The following CTNNA2 variants were observed in gnomAD, a reference collection of about 807,000 sequenced individuals.
CTNNA2 encodes the protein catenin alpha-2.
A neutral mutation model predicts 101.0 loss-of-function variants in CTNNA2; 42 were observed. The ratio of observed to expected loss-of-function variants is 0.42; its 90% CI spans 0.32 to 0.54. CTNNA2 has a LOEUF of 0.54. CTNNA2 is among the 20% of genes least tolerant of loss of function. The pLI is 0.14. For missense variants in CTNNA2, 871 were observed against 1,223.1 expected, an observed-to-expected ratio of 0.71 and a Z score of 4.29; for synonymous variants, 450 against 456.4, an observed-to-expected ratio of 0.99 and a Z score of 0.18.
At chr2:80,261,340 G>A (rs17018925) in intron 7 of CTNNA2, among the ~76,000 whole-genome samples, 9,564 of 151,932 alleles carry the variant, frequency 0.063, 478 homozygotes, top group South Asian at 0.29. Context: ...ACAGAACCCC[G>A]TAAAAGTTTA....
chr2:80,063,816 A>G (rs139969248), intron 7 of CTNNA2, among the ~76,000 whole-genome samples: 5 of 152,220 alleles, frequency 3.3e-5, no homozygotes, highest in Non-Finnish European at 5.9e-5. Context: ...CCATCCCAGG[A>G]TAATAGACTA....
intron 9 of CTNNA2, among the ~76,000 whole-genome samples, chr2:80,429,536 C>G (rs953430592): frequency 2.0e-5 from 3 of 152,164 alleles, no homozygotes; most frequent in African/African-American, 7.2e-5. Context: ...TTATTTAGTA[C>G]AGTTTCTGTC....
chr2:80,469,224 C>T (rs940174344), intron 9 of CTNNA2, among the ~76,000 whole-genome samples: 5 of 152,200 alleles, frequency 3.3e-5, no homozygotes, highest in African/African-American at 1.2e-4. Context: ...ACTGCACTGA[C>T]ATCTATTCTG....
At chr2:79,696,663 C>G (rs189032001) in intron 2 of CTNNA2, among the ~76,000 whole-genome samples, 1 of 151,972 alleles carries the variant, frequency 6.6e-6, no homozygotes, top group Non-Finnish European at 1.5e-5. Flanking sequence ...CTCCCTGGGC[C>G]TAGAGGGAGG....
upstream of CTNNA2, among the ~76,000 whole-genome samples, chr2:79,511,160 C>T (rs1277157279): frequency 1.3e-5 from 2 of 152,188 alleles, no homozygotes; most frequent in East Asian, 1.9e-4. Context: ...GACAACTTTA[C>T]TCTTTCCAGA....
intron 1 of CTNNA2, among the ~76,000 whole-genome samples, chr2:79,632,963 A>G (rs984331396): frequency 6.6e-6 from 1 of 152,220 alleles, no homozygotes; most frequent in African/African-American, 2.4e-5. Context: ...CTGTGTTCCA[A>G]TACAGACTAT....
intron 7 of CTNNA2, among the ~76,000 whole-genome samples, chr2:80,161,831 A>C (rs191255093): frequency 1.1e-3 from 160 of 152,312 alleles, no homozygotes; most frequent in African/African-American, 3.5e-3. Flanking sequence ...CTTATACCTC[A>C]AATGTGGTTT....
At chr2:80,533,546 T>C (rs914457524) in intron 9 of CTNNA2, among the ~76,000 whole-genome samples, 2 of 152,312 alleles carry the variant, frequency 1.3e-5, no homozygotes, top group South Asian at 4.1e-4. Flanking sequence ...CTTATTCATC[T>C]GGATCTTCAT....
At chr2:80,332,855 G>A (rs1341425956) in intron 7 of CTNNA2, among the ~76,000 whole-genome samples, 1 of 152,126 alleles carries the variant, frequency 6.6e-6, no homozygotes, top group Non-Finnish European at 1.5e-5. Flanking sequence ...TGGCCCTAAA[G>A]CCAAATTCAG....
chr2:79,780,120 A>G (rs1674313467), intron 3 of CTNNA2, among the ~76,000 whole-genome samples: 1 of 152,174 alleles, frequency 6.6e-6, no homozygotes, highest in African/African-American at 2.4e-5. Context: ...TCAATCAGAA[A>G]ATCTGTGAAT....
intron 7 of CTNNA2, among the ~76,000 whole-genome samples, chr2:80,088,847 C>T (rs1394063298): frequency 3.3e-5 from 5 of 152,016 alleles, no homozygotes; most frequent in Non-Finnish European, 1.5e-5. Context: ...TGGCTTAAAT[C>T]GCTGTTAACT....
At chr2:79,213,930 G>A (rs1404806670) in intron 2 of CTNNA2, among the ~76,000 whole-genome samples, 1 of 152,198 alleles carries the variant, frequency 6.6e-6, no homozygotes, top group Non-Finnish European at 1.5e-5. Context: ...GGCAGCCGCT[G>A]CACGCAGACA....
chr2:79,894,232 C>A (rs1479174972), intron 6 of CTNNA2, among the ~76,000 whole-genome samples: 1 of 151,988 alleles, frequency 6.6e-6, no homozygotes, highest in Non-Finnish European at 1.5e-5. Context: ...CCCTTTAGAA[C>A]TCTTGATTTG....
At chr2:80,596,731 C>T (rs896723141) in intron 15 of CTNNA2, among the ~76,000 whole-genome samples, 2 of 152,088 alleles carry the variant, frequency 1.3e-5, no homozygotes, top group African/African-American at 4.8e-5. Context: ...CTGGCCAGAA[C>T]TTCCAATACT....
intron 4 of CTNNA2, among the ~76,000 whole-genome samples, chr2:79,438,937 G>T (rs763861330): frequency 6.6e-6 from 1 of 152,212 alleles, no homozygotes; most frequent in Non-Finnish European, 1.5e-5. Context: ...TGGCAAGGAT[G>T]TGAAGAAACT....
intron 7 of CTNNA2, among the ~76,000 whole-genome samples, chr2:80,002,012 G>T (rs1434099): frequency 0.58 from 87,950 of 152,044 alleles, 27,499 homozygotes; most frequent in East Asian, 0.92. Flanking sequence ...AAGTTATCTC[G>T]TTACCACACA....
intron 7 of CTNNA2, among the ~76,000 whole-genome samples, chr2:80,013,038 C>T (rs1004615021): frequency 2.0e-5 from 3 of 152,058 alleles, no homozygotes; most frequent in African/African-American, 4.8e-5. Flanking sequence ...TGGTGATGCA[C>T]GTCTGTAATC....
intron 7 of CTNNA2, among the ~76,000 whole-genome samples, chr2:80,125,980 G>T (rs1207583023): frequency 1.3e-5 from 2 of 152,154 alleles, no homozygotes; most frequent in Non-Finnish European, 2.9e-5. Context: ...TGATTGGAAA[G>T]TGCTTAGTAC....
At chr2:79,495,060 G>A (rs948219629) in intron 4 of CTNNA2, among the ~76,000 whole-genome samples, 3 of 151,994 alleles carry the variant, frequency 2.0e-5, no homozygotes, top group Non-Finnish European at 4.4e-5. Flanking sequence ...CCGAGATTGC[G>A]CCACTGCACT....
Sources: gnomAD v4.1 joint callset for allele counts (sites outside exome capture counted in the v4.1 genomes callset) on GRCh38, gnomAD v4.1.1 for gene constraint, MANE v1.5 for transcripts, NCBI Gene and HGNC (gene_info 2026-07-23, HGNC 2026-07-21) for gene names.